CTTN: variants seen among roughly 807,000 people sequenced by gnomAD.
CTTN encodes src substrate cortactin.
Under a neutral mutation model 84.0 loss-of-function variants are expected in CTTN, and 28 were observed. That is an observed-to-expected ratio of 0.33 (90% CI 0.25 to 0.46). The LOEUF is 0.46. Ranked by LOEUF, CTTN falls within the 20% of genes least tolerant of loss-of-function variation. The probability of loss-of-function intolerance (pLI) is 1.00; values close to 1 mark genes in which losing one functional copy is unlikely to be tolerated. For synonymous variants in CTTN, 301 were observed against 288.8 expected, an observed-to-expected ratio of 1.04 and a Z score of -0.43; for missense variants, 641 against 723.8, an observed-to-expected ratio of 0.89 and a Z score of 1.31.
Position 70,404,951 on chromosome 11 carries a change from G to A in CTTN, c.-97-314G>A, listed in dbSNP as rs143014369. Reference sequence around the variant, plus strand: ...CGGGAGGTGGAGTTTGCGGTAAGCCGCGATTGTGCCATTGCACTCCAGCCT... The same window carrying A: ...CGGGAGGTGGAGTTTGCGGTAAGCCACGATTGTGCCATTGCACTCCAGCCT... On this transcript the variant is annotated intron_variant, in intron 1 of 17. Transcript: ENST00000301843. 9.0e-4 allele frequency among the ~76,000 whole-genome samples: 137 copies of A among 152,314 alleles called. 1 individual carries two copies. In the East Asian group the frequency reaches 0.022, roughly 25 times the overall value.
intron 17 of CTTN, 134 bp from the exon 18 acceptor site, chr11:70,434,892 C>G (rs2058397196): frequency 2.2e-6 from 2 of 913,634 alleles, no homozygotes; most frequent in Admixed American, 1.8e-5. Flanking sequence ...GCAGGAGCCT[C>G]CGCGGTGGTC....
At chr11:70,422,380 G>T (rs1460372449) in intron 11 of CTTN, 1 of 634,248 alleles carries the variant, frequency 1.6e-6, no homozygotes, top group African/African-American at 1.9e-5. Flanking sequence ...AGACTGCATG[G>T]AGATGGCAGT....
At chr11:70,405,956 A>G (rs910058537) in intron 2 of CTTN, among the ~76,000 whole-genome samples, 1 of 152,174 alleles carries the variant, frequency 6.6e-6, no homozygotes, top group East Asian at 1.9e-4. Context: ...GCCGGAGACC[A>G]AGCATCCCGT....
chr11:70,404,107 A>C (rs1191634554), intron 1 of CTTN, among the ~76,000 whole-genome samples: 1 of 152,224 alleles, frequency 6.6e-6, no homozygotes, highest in East Asian at 1.9e-4. Flanking sequence ...AGTAACCAGA[A>C]TGTAGCAAGC....
rs765833206 is a variant in CTTN, at chr11:70,429,183, C to G, written c.1160C>G (p.Ala387Gly). ...MAKERQEQEE[A>G]RRKLEEQARA... The stretch of plus-strand genomic sequence containing the variant: ...AAGGAGCGGCAGGAGCAGGAAGAGG[C>G]CAGGAGGAAGCTGGAGGTGAGTGGC... The change falls in exon 14 of 18, where the codon GCC becomes GGC. Residue 387 changes from alanine (A) to glycine (G), a missense_variant. By Grantham distance (60) the Ala-to-Gly change is moderately conservative. Coordinates refer to ENST00000301843, the MANE Select transcript of CTTN (RefSeq NM_005231.4). 1.9e-6 allele frequency: 3 copies of G among 1,612,720 alleles called. No homozygotes were observed. Among genetic ancestry groups the G allele is most frequent in the Non-Finnish European group, 2.5e-6 (3 of 1,179,758 alleles).
intron 4 of CTTN, among the ~76,000 whole-genome samples, chr11:70,408,521 C>T (rs933093905): frequency 6.6e-6 from 1 of 152,102 alleles, no homozygotes; most frequent in African/African-American, 2.4e-5. Flanking sequence ...CCTCAGCTTC[C>T]TGAGTAGCTG....
chr11:70,412,019 G>A (rs986482695), intron 5 of CTTN, among the ~76,000 whole-genome samples: 1 of 152,100 alleles, frequency 6.6e-6, no homozygotes, highest in Non-Finnish European at 1.5e-5. Context: ...AAGTTGGAGA[G>A]CTGTCCTAGC....
rs1403025657 is a variant in CTTN at position 70,420,200 on chromosome 11, GAGGTCATAGACTA to G, written c.680-199_680-187del. Reference sequence around the variant, plus strand: ...TCCTGTCTGGCTTAGTCACGATGCTGAGGTCATAGACTAGGTTATTTCCTGCCACTCTCCAAGG... The same window carrying G: ...TCCTGTCTGGCTTAGTCACGATGCTGGGTTATTTCCTGCCACTCTCCAAGG... On this transcript the variant is annotated intron_variant, in intron 9 of 17. Coordinates refer to ENST00000301843, the MANE Select transcript of CTTN (RefSeq NM_005231.4). 30 of 608,146 alleles carry G rather than the reference GAGGTCATAGACTA, an allele frequency of 4.9e-5. No individual in the cohort carries two copies. The East Asian group carries it at 8.0e-4, about 16-fold the overall frequency. 37.7% of individuals were successfully genotyped at this position (608,146 alleles called of 1,614,324 possible).
intron 9 of CTTN, 107 bp downstream of exon 9, chr11:70,419,963 A>T: frequency 1.2e-6 from 1 of 805,602 alleles, no homozygotes; most frequent in South Asian, 1.7e-5. Flanking sequence ...CTTAACGTAG[A>T]TGTCTCTTTT....
At chr11:70,418,889 G>T (rs1428786822) in intron 8 of CTTN, among the ~76,000 whole-genome samples, 1 of 149,354 alleles carries the variant, frequency 6.7e-6, no homozygotes, top group Non-Finnish European at 1.5e-5. Context: ...CAATTCTCCT[G>T]CCTCAGTCTC....
intron 13 of CTTN, among the ~76,000 whole-genome samples, chr11:70,428,318 A>G (rs555099538): frequency 2.6e-4 from 39 of 151,714 alleles, no homozygotes; most frequent in Admixed American, 1.7e-3. Context: ...GGTGCCTGCC[A>G]CCAAGCCCAG....
chr11:70,426,179 G>A (rs555030858), intron 13 of CTTN, among the ~76,000 whole-genome samples: 176 of 152,242 alleles, frequency 1.2e-3, no homozygotes, highest in African/African-American at 4.1e-3. Context: ...AGGCCAAGAC[G>A]GGCGGATCAC....
At position 70,415,646 on chromosome 11, in the gene CTTN, GT is replaced by G; in HGVS notation, c.403-12del. On this transcript the variant is annotated splice_polypyrimidine_tract_variant and intron_variant, in intron 6 of 17. Coordinates refer to ENST00000301843, the MANE Select transcript of CTTN (RefSeq NM_005231.4). Reference sequence around the variant, plus strand: ...AGTATTTCTCCCCACTTTTTCATGTGTTTTTGGTCGTCACAGTCTGCTGTAG... The same window carrying G: ...AGTATTTCTCCCCACTTTTTCATGTGTTTTGGTCGTCACAGTCTGCTGTAG... The G allele has an allele frequency of 1.9e-6, 3 of 1,611,644 alleles. No individual in the cohort carries two copies. Among genetic ancestry groups the G allele is most frequent in the Non-Finnish European group, 2.5e-6 (3 of 1,177,854 alleles).
At chr11:70,401,347 A>G (rs1420978155) in intron 1 of CTTN, among the ~76,000 whole-genome samples, 1 of 151,730 alleles carries the variant, frequency 6.6e-6, no homozygotes, top group African/African-American at 2.4e-5. Flanking sequence ...GTGGTGGTAT[A>G]TGCCTGTAGT....
intron 8 of CTTN, among the ~76,000 whole-genome samples, chr11:70,417,531 C>T (rs1329630649): frequency 1.3e-5 from 2 of 151,050 alleles, no homozygotes; most frequent in African/African-American, 2.4e-5. Context: ...AGTCTCGCTC[C>T]GTTGCCCAGG....
Position 70,435,996 on chromosome 11 carries a change from G to C in CTTN, c.*834G>C. ...CTGATGTCTTAACTGTCACCCATATGGTCCCTGGGCCACCGGGCAGCCTGG... is the reference window on the plus strand; with the variant it reads ...CTGATGTCTTAACTGTCACCCATATCGTCCCTGGGCCACCGGGCAGCCTGG... On this transcript the variant is annotated 3_prime_UTR_variant, in exon 18 of 18. Coordinates refer to ENST00000301843, the MANE Select transcript of CTTN (RefSeq NM_005231.4). 1 of 1,428,896 alleles carries C rather than the reference G, an allele frequency of 7.0e-7. No homozygotes were observed. Among genetic ancestry groups the C allele is most frequent in the Non-Finnish European group, 9.1e-7 (1 of 1,098,264 alleles). The allele number at this position is 1,428,896 out of a possible 1,614,324, so 88.5% of individuals were successfully genotyped here.
intron 3 of CTTN, 58 bp downstream of exon 3, chr11:70,407,442 T>C (rs1263674055): frequency 6.2e-7 from 1 of 1,612,636 alleles, no homozygotes; most frequent in African/African-American, 1.3e-5. Context: ...CTCTCCTGGG[T>C]TTTTCTTTGA....
At chr11:70,429,306 C>CAAAGTTAGCT in intron 14 of CTTN, 107 bp downstream of exon 14, 1 of 1,285,252 alleles carries the variant, frequency 7.8e-7, no homozygotes, top group South Asian at 1.3e-5. Flanking sequence ...GCCAGGTTTT[C>CAAAGTTAGCT]CTTGGAAGGC....
Position 70,409,978 on chromosome 11 carries a change from G to T in CTTN, c.291+18G>T. The T allele has an allele frequency of 6.2e-7, 1 of 1,613,664 alleles. No homozygotes were observed. ...TGGATAAGGTAAGTGGCCCGCGGCTGCCTATGCCAGGCTCCTGGTGTGCTT... is the reference window on the plus strand; with the variant it reads ...TGGATAAGGTAAGTGGCCCGCGGCTTCCTATGCCAGGCTCCTGGTGTGCTT... On this transcript the variant is annotated intron_variant, in intron 5 of 17. Coordinates refer to ENST00000301843, the MANE Select transcript of CTTN (RefSeq NM_005231.4).
Sources: allele counts gnomAD v4.1 joint callset (sites outside exome capture counted in the v4.1 genomes callset), GRCh38; gene constraint gnomAD v4.1.1; transcripts MANE v1.5; gene names NCBI Gene and HGNC (gene_info 2026-07-23, HGNC 2026-07-21).